Variants in SCAI observed in about 807,000 individuals in gnomAD.
SCAI encodes the protein suppressor of cancer cell invasion.
SCAI carries 24 observed loss-of-function variants against 92.2 expected under a neutral mutation model. That is an observed-to-expected ratio of 0.26 (90% confidence interval 0.19 to 0.37). The LOEUF (loss-of-function observed/expected upper bound fraction) is 0.37, where lower values mean the gene tolerates loss of function less well. SCAI is among the 10% of genes least tolerant of loss of function. The pLI, the probability that SCAI is intolerant of heterozygous loss-of-function variation, is 1.00. For missense variants in SCAI, 450 were observed against 736.2 expected (o/e 0.61, Z 4.50); for synonymous variants, 261 against 258.6 (o/e 1.01, Z -0.09).
intron 5 of SCAI, 89 bp from the exon 6 acceptor site, chr9:125,026,999 T>C (rs1564384125): frequency 1.6e-6 from 1 of 642,298 alleles, no homozygotes. Context: ...TGTATTCCTC[T>C]GTGGCACGGG....
intron 3 of SCAI, among the ~76,000 whole-genome samples, chr9:125,031,156 C>T (rs1428446183): frequency 6.6e-6 from 1 of 152,100 alleles, no homozygotes; most frequent in Non-Finnish European, 1.5e-5. Flanking sequence ...GTCTAGAAGA[C>T]AGTCGTGTCT....
rs1833749013 is a variant in SCAI at position 125,060,422 on chromosome 9, C to A, written c.99-4415G>T. 2.0e-5 allele frequency among the ~76,000 whole-genome samples: 3 copies of A among 152,146 alleles called. No homozygotes were observed. The South Asian group carries it at 6.2e-4, about 32-fold the overall frequency. The stretch of plus-strand genomic sequence containing the variant: ...AGTGGCATATTTCTTCAAAGTAGTT[C>A]CAACTGTCTTGCAAACAGCCAGGTA... On this transcript the variant is annotated intron_variant, in intron 2 of 17. Transcript: ENST00000336505.
rs1475499998 is a variant in SCAI at position 124,971,488 on chromosome 9, G to A, written c.1574-18C>T. 1 of 1,574,858 alleles carries A rather than the reference G, an allele frequency of 6.3e-7. No homozygotes were observed. The highest frequency in any genetic ancestry group is 1.1e-5 in the South Asian group (1 of 87,068). On this transcript the variant is annotated intron_variant, in intron 16 of 17. Transcript: ENST00000336505. ...TGCCTGATCTGCAAAGAGGAGAAAA[G>A]TGACAGTAAAAAGATGCTTAAATGG...
rs62584365 is a variant in SCAI at position 125,037,736 on chromosome 9, G to A, written c.231-7997C>T. 5.9e-3 allele frequency among the ~76,000 whole-genome samples: 899 copies of A among 151,576 alleles called. 6 individuals are homozygous for A. The highest frequency in any genetic ancestry group is 9.1e-3 in the Non-Finnish European group (620 of 67,888). On this transcript the variant is annotated intron_variant, in intron 3 of 17. Transcript: ENST00000336505. ...TTGAGACCAGCCTGACCAACATGGT[G>A]AAAACCCGTCTCTACTAAACATACA... is the stretch of plus-strand genomic sequence containing the variant.
intron 2 of SCAI, among the ~76,000 whole-genome samples, chr9:125,109,228 C>T (rs529924949): frequency 4.5e-4 from 68 of 152,194 alleles, no homozygotes; most frequent in African/African-American, 1.5e-3. Flanking sequence ...TGCGGAAGGC[C>T]GCAGGGTCCT....
intron 14 of SCAI, among the ~76,000 whole-genome samples, chr9:124,986,225 A>C (rs1212688229): frequency 6.6e-6 from 1 of 152,176 alleles, no homozygotes; most frequent in Non-Finnish European, 1.5e-5. Flanking sequence ...CGGGAGGCGG[A>C]GATTGCAGTG....
In SCAI at chr9:124,952,726, A is replaced by G; in HGVS notation, c.*81T>C. The G allele has an allele frequency of 2.6e-6, 3 of 1,138,900 alleles. No individual in the cohort carries two copies. Among genetic ancestry groups the G allele is most frequent in the East Asian group, 2.4e-5 (1 of 41,548 alleles). The allele number at this position is 1,138,900 out of a possible 1,614,324, so 70.5% of individuals were successfully genotyped here. A position where few individuals can be genotyped will look rare whatever the true frequency, so the allele number is the denominator to read the frequency against. On this transcript the variant is annotated 3_prime_UTR_variant, in exon 18 of 18. Coordinates refer to ENST00000336505, the MANE Select transcript of SCAI (RefSeq NM_001144877.3). ...AAAATAAAAACTAAGTAACACCACTATGTGTCTTATCACGTTAGAAAACTG... is the reference window on the plus strand; with the variant it reads ...AAAATAAAAACTAAGTAACACCACTGTGTGTCTTATCACGTTAGAAAACTG...
rs945298220 is a variant in SCAI, at chr9:124,946,187, T to G, written c.*6620A>C. The G allele has an allele frequency of 7.9e-5, 12 of 152,202 alleles. No homozygotes were observed. The highest frequency in any genetic ancestry group is 2.2e-4 in the African/African-American group (9 of 41,462). 9.4% of individuals were successfully genotyped at this position (152,202 alleles called of 1,614,324 possible). On this transcript the variant is annotated 3_prime_UTR_variant, in exon 18 of 18. Transcript: ENST00000336505. This position sits in a 1 kb window ranked among gnomAD's most constrained non-coding sequence, Gnocchi z 4.0. ...TACTCTCCAGTGCAAAAACAATGAT[T>G]TGGTTATTCAAACAACAAACCATCA...
intron 13 of SCAI, among the ~76,000 whole-genome samples, chr9:124,997,118 G>A (rs1176066429): frequency 6.6e-6 from 1 of 152,054 alleles, no homozygotes. Context: ...ATGCCATACA[G>A]GTTCAGTATT....
rs1045665644 is a variant in SCAI at position 125,138,656 on chromosome 9, C to T, written c.98+3977G>A. Among the ~76,000 whole-genome samples the T allele has an allele frequency of 5.3e-5, 8 of 152,138 alleles. No individual in the cohort carries two copies. In the East Asian group the frequency reaches 1.4e-3, roughly 26 times the overall value. On this transcript the variant is annotated intron_variant, in intron 2 of 17. Transcript: ENST00000336505. The stretch of plus-strand genomic sequence containing the variant: ...GTCTCGATCTCCTGACCTTGTGATC[C>T]GCCCGCCTTGGCCTCCCAAAGTGCT...
intron 2 of SCAI, among the ~76,000 whole-genome samples, chr9:125,096,068 T>C (rs1834545977): frequency 6.6e-6 from 1 of 152,190 alleles, no homozygotes; most frequent in Non-Finnish European, 1.5e-5. Flanking sequence ...TTCCTGGACA[T>C]TTATACACTC....
chr9:125,042,226 C>T (rs969981372), intron 3 of SCAI, among the ~76,000 whole-genome samples: 2 of 152,256 alleles, frequency 1.3e-5, no homozygotes, highest in South Asian at 2.1e-4. Flanking sequence ...AAGTATGACA[C>T]TAATCTCTCT....
At chr9:125,075,598 C>T (rs1029609148) in intron 2 of SCAI, among the ~76,000 whole-genome samples, 2 of 148,112 alleles carry the variant, frequency 1.4e-5, no homozygotes, top group African/African-American at 5.0e-5. Context: ...TGGAGTTTCG[C>T]TCCTGTTGAC....
At chr9:125,114,316 T>C (rs1325840687) in intron 2 of SCAI, among the ~76,000 whole-genome samples, 2 of 152,168 alleles carry the variant, frequency 1.3e-5, no homozygotes, top group Non-Finnish European at 2.9e-5. Context: ...TGTATAATGA[T>C]TCTAAGGTTT....
At chr9:125,073,162 TG>T (rs1834015332) in intron 2 of SCAI, among the ~76,000 whole-genome samples, 2 of 128,976 alleles carry the variant, frequency 1.6e-5, no homozygotes, top group South Asian at 2.7e-4. Flanking sequence ...TGGAGTGCAG[TG>T]GCGCGATCTC....
intron 3 of SCAI, among the ~76,000 whole-genome samples, chr9:125,047,424 T>TTGTTTAAGTTGTTTAAG (rs1428400404): frequency 1.3e-5 from 2 of 152,170 alleles, no homozygotes; most frequent in Non-Finnish European, 2.9e-5. Flanking sequence ...AGCTACTCAG[T>TTGTTTAAGTTGTTTAAG]CTATGGCACC....
rs1831078799 is a variant in SCAI, at chr9:124,942,784, A to C, written c.*10023T>G. ...TGACAACAAAAATCAAATATTCTCT[A>C]ATCTCGTTATTCAATAAACATCAAA... On this transcript the variant is annotated 3_prime_UTR_variant, in exon 18 of 18. Transcript: ENST00000336505. 6.6e-6 allele frequency: 1 copy of C among 152,198 alleles called. No individual in the cohort carries two copies. Among genetic ancestry groups the C allele is most frequent in the South Asian group, 2.1e-4 (1 of 4,826 alleles). 9.4% of individuals were successfully genotyped at this position (152,198 alleles called of 1,614,324 possible).
chr9:125,142,958 C>T (rs992638960), intron 1 of SCAI, among the ~76,000 whole-genome samples: 1 of 151,838 alleles, frequency 6.6e-6, no homozygotes, highest in Non-Finnish European at 1.5e-5. Flanking sequence ...TCCCCAAAAT[C>T]ACCCACCTCC....
chr9:125,049,014 G>A (rs2131124956), intron 3 of SCAI, among the ~76,000 whole-genome samples: 1 of 152,008 alleles, frequency 6.6e-6, no homozygotes, highest in South Asian at 2.1e-4. Context: ...CAAAGTGCTG[G>A]GATTACAGGC....
Sources: allele counts gnomAD v4.1 joint callset (sites outside exome capture counted in the v4.1 genomes callset), GRCh38; gene constraint gnomAD v4.1.1; non-coding constraint Gnocchi (gnomAD v3.1); transcripts MANE v1.5; gene names NCBI Gene and HGNC (gene_info 2026-07-23, HGNC 2026-07-21).